The following RAD51B variants were observed in gnomAD, a reference collection of about 807,000 sequenced individuals.
The protein encoded by RAD51B is DNA repair protein RAD51 homolog 2.
RAD51B carries 38 observed loss-of-function variants against 42.2 expected under a neutral mutation model. The observed-to-expected ratio is 0.90, with a 90% CI of 0.70 to 1.18. The LOEUF (loss-of-function observed/expected upper bound fraction) is 1.18. RAD51B is among the 50% of genes most tolerant of loss of function. RAD51B has a pLI of 0.00. For synonymous variants in RAD51B, 154 were observed against 145.2 expected, an observed-to-expected ratio of 1.06 and a Z score of -0.43; for missense variants, 373 against 400.7, an observed-to-expected ratio of 0.93 and a Z score of 0.59.
At chr14:68,506,257 A>G (rs1323477940) in intron 10 of RAD51B, among the ~76,000 whole-genome samples, 2 of 152,192 alleles carry the variant, frequency 1.3e-5, no homozygotes, top group Non-Finnish European at 2.9e-5. Context: ...TCTCTGAACA[A>G]TCCAGAGCAG....
chr14:68,309,921 G>T (rs565991442), intron 8 of RAD51B, among the ~76,000 whole-genome samples: 3 of 152,244 alleles, frequency 2.0e-5, no homozygotes, highest in South Asian at 2.1e-4. Flanking sequence ...GAATGTGATG[G>T]CCTTATATAT....
chr14:68,491,953 C>G (rs2140282417), intron 10 of RAD51B, among the ~76,000 whole-genome samples: 1 of 152,248 alleles, frequency 6.6e-6, no homozygotes, highest in Non-Finnish European at 1.5e-5. Context: ...GAAAGCCCCA[C>G]CGATTCCAGC....
chr14:68,448,467 T>C (rs964415797), intron 9 of RAD51B, among the ~76,000 whole-genome samples: 1 of 152,196 alleles, frequency 6.6e-6, no homozygotes, highest in Non-Finnish European at 1.5e-5. Flanking sequence ...TAGCTTCTTA[T>C]GGGCAGGGAC....
chr14:67,833,927 C>G (rs1218257092), intron 3 of RAD51B, among the ~76,000 whole-genome samples: 1 of 152,228 alleles, frequency 6.6e-6, no homozygotes, highest in Admixed American at 6.5e-5. Flanking sequence ...AGCTGTTCTT[C>G]ACAAACTAAT....
intron 7 of RAD51B, among the ~76,000 whole-genome samples, chr14:68,259,433 C>T (rs1223793629): frequency 2.0e-5 from 3 of 151,540 alleles, no homozygotes; most frequent in Non-Finnish European, 4.4e-5. Context: ...CACATGTACC[C>T]TAAAACTTAA....
At chr14:68,188,210 T>C (rs2079193871) in intron 7 of RAD51B, among the ~76,000 whole-genome samples, 1 of 152,150 alleles carries the variant, frequency 6.6e-6, no homozygotes, top group Non-Finnish European at 1.5e-5. Context: ...GGTACATGTC[T>C]TACAAAGTTA....
rs145048149 is a variant in RAD51B at position 68,517,495 on chromosome 14, A to G, written c.1036+49245A>G. ...AGGCAAATAACATCTTGGTATTATTATGAAATATTATCAAAATTATGAAAA... is the reference window on the plus strand; with the variant it reads ...AGGCAAATAACATCTTGGTATTATTGTGAAATATTATCAAAATTATGAAAA... On this transcript the variant is annotated intron_variant, in intron 10 of 10. Coordinates refer to the RAD51B transcript ENST00000487270. 2.8e-3 allele frequency among the ~76,000 whole-genome samples: 432 copies of G among 152,298 alleles called. 6 individuals are homozygous for G. Among genetic ancestry groups the G allele is most frequent in the African/African-American group, 9.8e-3 (409 of 41,570 alleles).
chr14:68,301,146 C>T (rs1164670845), intron 8 of RAD51B, among the ~76,000 whole-genome samples: 1 of 152,100 alleles, frequency 6.6e-6, no homozygotes, highest in East Asian at 1.9e-4. Context: ...AACCATACTT[C>T]CATCTAATAG....
intron 7 of RAD51B, among the ~76,000 whole-genome samples, chr14:67,897,650 A>C (rs1462929813): frequency 6.7e-6 from 1 of 148,438 alleles, no homozygotes; most frequent in African/African-American, 2.5e-5. Flanking sequence ...ACCCTTGTTC[A>C]CTTTTTTTTT....
intron 5 of RAD51B, among the ~76,000 whole-genome samples, chr14:67,883,218 T>A (rs1217336442): frequency 6.6e-6 from 1 of 151,958 alleles, no homozygotes; most frequent in Non-Finnish European, 1.5e-5. Context: ...CTCTTCTCCA[T>A]TGGGCAGTTA....
chr14:67,946,636 G>A (rs979018266), intron 7 of RAD51B, among the ~76,000 whole-genome samples: 1 of 152,218 alleles, frequency 6.6e-6, no homozygotes, highest in African/African-American at 2.4e-5. Flanking sequence ...AAAGTGTTGG[G>A]ATTACAGGTG....
chr14:68,281,139 G>GT (rs1287185592), intron 7 of RAD51B, among the ~76,000 whole-genome samples: 1 of 152,116 alleles, frequency 6.6e-6, no homozygotes, highest in African/African-American at 2.4e-5. Flanking sequence ...GGCTAGAATA[G>GT]TTAGCAAAGA....
intron 10 of RAD51B, among the ~76,000 whole-genome samples, chr14:68,534,948 T>G (rs1189157562): frequency 6.6e-6 from 1 of 152,062 alleles, no homozygotes; most frequent in East Asian, 1.9e-4. Context: ...ATATTATTAT[T>G]GTTATTATTA....
intron 7 of RAD51B, among the ~76,000 whole-genome samples, chr14:68,132,392 T>A (rs2077911832): frequency 6.6e-6 from 1 of 152,176 alleles, no homozygotes; most frequent in Non-Finnish European, 1.5e-5. Context: ...TTGGTAAGGA[T>A]GTAAGGCAAT....
At chr14:67,857,644 C>G (rs918996394) in intron 4 of RAD51B, among the ~76,000 whole-genome samples, 1 of 152,138 alleles carries the variant, frequency 6.6e-6, no homozygotes, top group Non-Finnish European at 1.5e-5. Flanking sequence ...AGAACATATC[C>G]AAAACTTGGC....
intron 9 of RAD51B, among the ~76,000 whole-genome samples, chr14:68,457,082 T>C (rs1357542057): frequency 6.6e-6 from 1 of 151,536 alleles, no homozygotes; most frequent in Non-Finnish European, 1.5e-5. Context: ...CCAACTAATT[T>C]TTGTATGTTT....
intron 10 of RAD51B, among the ~76,000 whole-genome samples, chr14:68,646,069 T>G (rs994718926): frequency 4.6e-5 from 7 of 152,198 alleles, no homozygotes; most frequent in African/African-American, 1.7e-4. Context: ...GGCATCTTTT[T>G]TTTTTTATTT....
intron 9 of RAD51B, among the ~76,000 whole-genome samples, chr14:68,456,742 G>C (rs1288281636): frequency 6.6e-6 from 1 of 151,920 alleles, no homozygotes; most frequent in Non-Finnish European, 1.5e-5. Flanking sequence ...GACCTCAAAG[G>C]CATCTATAGA....
Position 68,477,906 on chromosome 14 carries a change from G to A in RAD51B, c.*242G>A, listed in dbSNP as rs11622203. 0.026 allele frequency: 33,086 copies of A among 1,296,604 alleles called. 503 individuals are homozygous for A. Among genetic ancestry groups the A allele is most frequent in the African/African-American group, 0.06 (3,963 of 65,854 alleles). The allele number at this position is 1,296,604 out of a possible 1,614,324, so 80.3% of individuals were successfully genotyped here. A position where few individuals can be genotyped will look rare whatever the true frequency, so the allele number is the denominator to read the frequency against. ...GATGTGTAGGGCTGAGGGCTTTGCC[G>A]CCATGGGATGTCAACAGCCATAATA... On this transcript the variant is annotated 3_prime_UTR_variant, in exon 11 of 11. Transcript: ENST00000471583.
Sources: gnomAD v4.1 joint callset for allele counts (sites outside exome capture counted in the v4.1 genomes callset) on GRCh38, gnomAD v4.1.1 for gene constraint, MANE v1.5 for transcripts, NCBI Gene and HGNC (gene_info 2026-07-23, HGNC 2026-07-21) for gene names.